DNAJC27: variants seen among roughly 807,000 people sequenced by gnomAD.
DNAJC27 encodes the protein DnaJ heat shock protein family (Hsp40) member C27, also known as dnaJ homolog subfamily C member 27.
DNAJC27 carries 25 observed loss-of-function variants against 31.4 expected under a neutral mutation model. That is an observed-to-expected ratio of 0.80 (90% CI 0.58 to 1.11). The LOEUF (loss-of-function observed/expected upper bound fraction) is 1.11. Among genes scored for constraint, DNAJC27 ranks in the 50% most tolerant of loss-of-function variants. The pLI, the probability that DNAJC27 is intolerant of heterozygous loss-of-function variation, is 0.00. For synonymous variants in DNAJC27, 106 were observed against 112.7 expected (o/e 0.94, Z 0.37); for missense variants, 356 against 347.3 (o/e 1.02, Z -0.20).
chr2:24,957,501 C>T (rs1228795111), intron 4 of DNAJC27, among the ~76,000 whole-genome samples: 1 of 152,026 alleles, frequency 6.6e-6, no homozygotes, highest in Non-Finnish European at 1.5e-5. Context: ...TTCCATAGTC[C>T]ACATCACCTA....
At chr2:24,970,172 T>C (rs1666292124) in intron 1 of DNAJC27, among the ~76,000 whole-genome samples, 1 of 152,228 alleles carries the variant, frequency 6.6e-6, no homozygotes, top group Admixed American at 6.5e-5. Flanking sequence ...CAACTGAATA[T>C]AATTTGGACA....
At chr2:24,966,460 AT>A (rs535359239) in intron 2 of DNAJC27, among the ~76,000 whole-genome samples, 224 of 148,946 alleles carry the variant, frequency 1.5e-3, no homozygotes, top group Non-Finnish European at 2.4e-3. Flanking sequence ...TTCCCAATTC[AT>A]TTTTTTTTTC....
intron 1 of DNAJC27, among the ~76,000 whole-genome samples, chr2:24,967,828 G>C (rs980793706): frequency 4.0e-5 from 6 of 151,894 alleles, no homozygotes; most frequent in African/African-American, 1.5e-4. Flanking sequence ...TCTCAATCCT[G>C]TGCTCTTTTC....
intron 2 of DNAJC27, among the ~76,000 whole-genome samples, 157 bp downstream of exon 2, chr2:24,967,054 A>G (rs551394967): frequency 9.8e-5 from 15 of 152,350 alleles, no homozygotes; most frequent in African/African-American, 3.4e-4. Context: ...TGATCACTAG[A>G]TACCTGTAAA....
At chr2:24,961,824 A>G (rs1666049048) in intron 3 of DNAJC27, among the ~76,000 whole-genome samples, 1 of 152,212 alleles carries the variant, frequency 6.6e-6, no homozygotes, top group African/African-American at 2.4e-5. Flanking sequence ...GTTTCTTGAG[A>G]TGGAATCTAC....
At chr2:24,972,014 G>T, upstream of DNAJC27, 1 of 773,168 alleles carries the variant, frequency 1.3e-6, no homozygotes, top group Non-Finnish European at 1.9e-6. Flanking sequence ...TCACCGCCTC[G>T]CCTCCGCTGC....
Position 24,957,144 on chromosome 2 carries a change from A to T in DNAJC27, c.427T>A (p.Cys143Ser). ...ANKIDCTKHR[C>S]VDESEGRLWA... The stretch of plus-strand genomic sequence containing the variant: ...AGACGTCCTTCACTTTCATCTACAC[A>T]GCGATGTTTGGTACAATCAATCTGA... Residue 143 changes from cysteine to serine, a missense_variant, in exon 5 of 7, where the codon TGT (cysteine) becomes AGT (serine). Coordinates refer to ENST00000264711, the MANE Select transcript of DNAJC27 (RefSeq NM_016544.3). 1 of 1,604,598 alleles carries T rather than the reference A, an allele frequency of 6.2e-7. No individual in the cohort carries two copies. Among genetic ancestry groups the T allele is most frequent in the Non-Finnish European group, 8.5e-7 (1 of 1,177,258 alleles).
At chr2:24,963,124 G>T in intron 3 of DNAJC27, 1 of 347,560 alleles carries the variant, frequency 2.9e-6, no homozygotes, top group Non-Finnish European at 5.2e-6. Flanking sequence ...TCACATTTTA[G>T]GCTAAAGTAT....
rs796922155 is a variant in DNAJC27 at position 24,963,533 on chromosome 2, A to G, written c.171-59T>C. ...AGTCATGGTTTCTCCATTTACCTTAATATCATTTATAAATTTCAAAAGGAT... is the reference window on the plus strand; with the variant it reads ...AGTCATGGTTTCTCCATTTACCTTAGTATCATTTATAAATTTCAAAAGGAT... On this transcript the variant is annotated intron_variant, in intron 2 of 6. Transcript: ENST00000264711. 2.8e-5 allele frequency: 39 copies of G among 1,391,628 alleles called. 1 individual carries two copies. The African/African-American group carries it at 4.3e-4, about 15-fold the overall frequency. The allele number at this position is 1,391,628 out of a possible 1,614,324, so 86.2% of individuals were successfully genotyped here. A position where few individuals can be genotyped will look rare whatever the true frequency, so the allele number is the denominator to read the frequency against.
At chr2:24,967,355 T>C (rs1666213875) in intron 1 of DNAJC27, 62 bp from the exon 2 acceptor site, 3 of 1,182,222 alleles carry the variant, frequency 2.5e-6, no homozygotes, top group African/African-American at 1.6e-5. Flanking sequence ...ACAGAATAAG[T>C]ATATTTCTTC....
intron 3 of DNAJC27, chr2:24,963,124 G>A (rs570971706): frequency 3.5e-5 from 12 of 347,444 alleles, no homozygotes; most frequent in Non-Finnish European, 5.8e-5. Flanking sequence ...TCACATTTTA[G>A]GCTAAAGTAT....
chr2:24,960,399 A>G (rs1666011832), intron 3 of DNAJC27, among the ~76,000 whole-genome samples: 1 of 152,204 alleles, frequency 6.6e-6, no homozygotes, highest in Admixed American at 6.5e-5. Flanking sequence ...TATTGAAAGT[A>G]GGCCAATTAA....
intron 3 of DNAJC27, among the ~76,000 whole-genome samples, chr2:24,960,309 A>G (rs1411937395): frequency 6.6e-6 from 1 of 152,246 alleles, no homozygotes; most frequent in African/African-American, 2.4e-5. Context: ...TGTTGTCTAT[A>G]TTCTGACTGT....
chr2:24,947,461 A>C lies in DNAJC27; in HGVS notation c.*155T>G, dbSNP rs1271028258. The C allele has an allele frequency of 3.4e-6, 3 of 874,850 alleles. No individual in the cohort carries two copies. The highest frequency in any genetic ancestry group is 1.7e-5 in the African/African-American group (1 of 59,968). 54.2% of individuals were successfully genotyped at this position (874,850 alleles called of 1,614,324 possible). ...CAGGTCATTTCTCAGTAAAATGTCT[A>C]TGAAATGGGTACCTGAATTACTGAT... On this transcript the variant is annotated 3_prime_UTR_variant, in exon 7 of 7. Transcript: ENST00000264711.
At chr2:24,965,188 C>T (rs1206084328) in intron 2 of DNAJC27, among the ~76,000 whole-genome samples, 1 of 151,362 alleles carries the variant, frequency 6.6e-6, no homozygotes, top group Non-Finnish European at 1.5e-5. Flanking sequence ...CGCCACTGCA[C>T]TCCAGCCTGA....
intron 5 of DNAJC27, among the ~76,000 whole-genome samples, chr2:24,954,664 G>A (rs1447381816): frequency 6.6e-6 from 1 of 152,246 alleles, no homozygotes; most frequent in Non-Finnish European, 1.5e-5. Context: ...CAGGCTGGGT[G>A]CGGTGGCTCA....
At chr2:24,964,460 A>T (rs4233706) in intron 2 of DNAJC27, among the ~76,000 whole-genome samples, 136,930 of 151,610 alleles carry the variant, frequency 0.9, 62,042 homozygotes, top group African/African-American at 0.97. Flanking sequence ...ATTCAAACAC[A>T]AAAGAAAAAC....
chr2:24,948,132 G>A (rs1262743141), intron 6 of DNAJC27, among the ~76,000 whole-genome samples: 1 of 152,084 alleles, frequency 6.6e-6, no homozygotes, highest in African/African-American at 2.4e-5. Flanking sequence ...GGGGTTCTGG[G>A]AGAGAACCAA....
At chr2:24,948,062 G>C (rs1486379023) in intron 6 of DNAJC27, among the ~76,000 whole-genome samples, 1 of 152,146 alleles carries the variant, frequency 6.6e-6, no homozygotes, top group African/African-American at 2.4e-5. Flanking sequence ...TATCTTTGCT[G>C]ATTGAAAGAA....
Sources: gnomAD v4.1 joint callset for allele counts (sites outside exome capture counted in the v4.1 genomes callset) on GRCh38, gnomAD v4.1.1 for gene constraint, MANE v1.5 for transcripts, NCBI Gene and HGNC (gene_info 2026-07-23, HGNC 2026-07-21) for gene names.